HS6ST3: variants seen among roughly 807,000 people sequenced by gnomAD.
The protein encoded by HS6ST3 is heparan sulfate 6-O-sulfotransferase 3, also known as heparan-sulfate 6-O-sulfotransferase 3.
Under a neutral mutation model 36.7 loss-of-function variants are expected in HS6ST3, and 12 were observed. The ratio of observed to expected loss-of-function variants is 0.33; its 90% CI spans 0.21 to 0.53. The LOEUF is 0.53. Ranked by LOEUF, HS6ST3 falls within the 20% of genes least tolerant of loss-of-function variation. HS6ST3 has a pLI of 0.95. For missense variants in HS6ST3, 584 were observed against 640.9 expected, an observed-to-expected ratio of 0.91 and a Z score of 0.96; for synonymous variants, 240 against 257.5, an observed-to-expected ratio of 0.93 and a Z score of 0.65.
Position 96,112,578 on chromosome 13 carries a change from AATATATATATATATATATATAT to A in HS6ST3, c.707+21032_707+21053del, listed in dbSNP as rs59107741. 2.0e-3 allele frequency among the ~76,000 whole-genome samples: 161 copies of A among 81,250 alleles called. 14 individuals are homozygous for A. The highest frequency in any genetic ancestry group is 5.7e-3 in the African/African-American group (117 of 20,552). 53.3% of individuals were successfully genotyped at this position (81,250 alleles called of 152,430 possible). A position where few individuals can be genotyped will look rare whatever the true frequency, so the allele number is the denominator to read the frequency against. ...TAAAACCCCATCTCTAAAATAAATA[AATATATATATATATATATATAT>A]ATATATATATATATATATATATGCC... On this transcript the variant is annotated intron_variant, in intron 1 of 1. Transcript: ENST00000376705.
intron 1 of HS6ST3, among the ~76,000 whole-genome samples, chr13:96,738,416 T>G (rs1428705939): frequency 6.6e-6 from 1 of 152,192 alleles, no homozygotes; most frequent in Non-Finnish European, 1.5e-5. Flanking sequence ...TGGAATATAC[T>G]GCCATCGATG....
At chr13:96,629,957 C>T (rs1209399807) in intron 1 of HS6ST3, among the ~76,000 whole-genome samples, 3 of 151,652 alleles carry the variant, frequency 2.0e-5, no homozygotes, top group African/African-American at 7.3e-5. Flanking sequence ...ATTTTTTTCT[C>T]TGAGTTGATT....
At chr13:96,670,544 G>T (rs1293304526) in intron 1 of HS6ST3, among the ~76,000 whole-genome samples, 2 of 152,014 alleles carry the variant, frequency 1.3e-5, no homozygotes, top group South Asian at 2.1e-4. Flanking sequence ...GAGAAAGGAG[G>T]TTCCAGGGAG....
At chr13:96,262,208 A>G (rs77782746) in intron 1 of HS6ST3, among the ~76,000 whole-genome samples, 3,982 of 152,264 alleles carry the variant, frequency 0.026, 70 homozygotes, top group East Asian at 0.054. Context: ...AATAAATAAG[A>G]GTGAGAGGAA....
chr13:96,458,933 G>A (rs973784672), intron 1 of HS6ST3, among the ~76,000 whole-genome samples: 5 of 151,618 alleles, frequency 3.3e-5, no homozygotes, highest in South Asian at 4.2e-4. Context: ...GTGAATCCCC[G>A]TTTGTACTAA....
intron 1 of HS6ST3, among the ~76,000 whole-genome samples, chr13:96,797,145 G>T (rs970342174): frequency 2.6e-5 from 4 of 152,080 alleles, no homozygotes; most frequent in Non-Finnish European, 5.9e-5. Context: ...CCTTCAACTG[G>T]AAGTCACCCA....
intron 1 of HS6ST3, among the ~76,000 whole-genome samples, chr13:96,812,703 AT>A (rs1228712668): frequency 6.6e-6 from 1 of 152,142 alleles, no homozygotes; most frequent in Non-Finnish European, 1.5e-5. Flanking sequence ...AACTGTTCCC[AT>A]TATAAAGTTG....
chr13:96,565,882 A>G (rs951347146), intron 1 of HS6ST3, among the ~76,000 whole-genome samples: 15 of 152,310 alleles, frequency 9.8e-5, no homozygotes, highest in Admixed American at 9.8e-4. Context: ...ACATCTGAGA[A>G]GAGCATCCTC....
At chr13:96,522,962 G>A (rs1314902811) in intron 1 of HS6ST3, among the ~76,000 whole-genome samples, 1 of 152,116 alleles carries the variant, frequency 6.6e-6, no homozygotes, top group African/African-American at 2.4e-5. Context: ...AGCCTCGATG[G>A]TCTTTACAAT....
chr13:96,606,184 C>T (rs754530868), intron 1 of HS6ST3, among the ~76,000 whole-genome samples: 1 of 152,126 alleles, frequency 6.6e-6, no homozygotes, highest in African/African-American at 2.4e-5. Flanking sequence ...GAACTTAAAA[C>T]ACAACTACCA....
At chr13:96,130,773 G>C (rs1045950766) in intron 1 of HS6ST3, among the ~76,000 whole-genome samples, 2 of 152,156 alleles carry the variant, frequency 1.3e-5, no homozygotes, top group African/African-American at 4.8e-5. Context: ...TGCATTTAAT[G>C]AATTTCTGTG....
At chr13:96,236,680 G>C (rs1241165225) in intron 1 of HS6ST3, among the ~76,000 whole-genome samples, 2 of 152,164 alleles carry the variant, frequency 1.3e-5, no homozygotes, top group East Asian at 3.9e-4. Flanking sequence ...ATACACAAGA[G>C]GTGCCAAGAT....
At chr13:96,300,317 A>C (rs2054875943) in intron 1 of HS6ST3, among the ~76,000 whole-genome samples, 1 of 151,920 alleles carries the variant, frequency 6.6e-6, no homozygotes, top group Admixed American at 6.6e-5. Flanking sequence ...TCGGCCTCCC[A>C]AAGTGCTGGG....
chr13:96,120,180 T>C (rs2053918625), intron 1 of HS6ST3, among the ~76,000 whole-genome samples: 1 of 152,202 alleles, frequency 6.6e-6, no homozygotes, highest in Non-Finnish European at 1.5e-5. Flanking sequence ...CAAAGATTCC[T>C]GGCAGCCCCA....
intron 1 of HS6ST3, among the ~76,000 whole-genome samples, chr13:96,130,272 G>C (rs1594687403): frequency 6.6e-6 from 1 of 152,160 alleles, no homozygotes; most frequent in Admixed American, 6.5e-5. Context: ...GAAAGGGCAT[G>C]CGTGTGGTGC....
At chr13:96,394,444 T>G (rs566056691) in intron 1 of HS6ST3, among the ~76,000 whole-genome samples, 2 of 152,322 alleles carry the variant, frequency 1.3e-5, no homozygotes, top group Non-Finnish European at 2.9e-5. Context: ...TCCTCACTCC[T>G]GTCCTGCATT....
At chr13:96,407,164 T>C (rs1566352059) in intron 1 of HS6ST3, among the ~76,000 whole-genome samples, 1 of 152,262 alleles carries the variant, frequency 6.6e-6, no homozygotes, top group Non-Finnish European at 1.5e-5. Context: ...TGTTGAAACT[T>C]AAAGTATTCT....
intron 1 of HS6ST3, among the ~76,000 whole-genome samples, chr13:96,697,677 C>T (rs759883981): frequency 2.0e-5 from 3 of 152,150 alleles, no homozygotes; most frequent in South Asian, 4.1e-4. Flanking sequence ...ATCAGCAACA[C>T]TATATCAAAA....
At chr13:96,277,977 A>C (rs2054756418) in intron 1 of HS6ST3, among the ~76,000 whole-genome samples, 2 of 152,194 alleles carry the variant, frequency 1.3e-5, no homozygotes, top group South Asian at 4.1e-4. Flanking sequence ...GCTAATTCTG[A>C]CAGCATTGTG....
Sources: gnomAD v4.1 joint callset for allele counts (sites outside exome capture counted in the v4.1 genomes callset) on GRCh38, gnomAD v4.1.1 for gene constraint, MANE v1.5 for transcripts, NCBI Gene and HGNC (gene_info 2026-07-23, HGNC 2026-07-21) for gene names.